Variants in EPHA6 observed in about 807,000 individuals in gnomAD.
The protein encoded by EPHA6 is ephrin type-A receptor 6.
EPHA6 carries 50 observed loss-of-function variants against 112.0 expected under a neutral mutation model. The ratio of observed to expected loss-of-function variants is 0.45; its 90% CI spans 0.36 to 0.56. EPHA6 has a LOEUF of 0.56. Among genes scored for constraint, EPHA6 ranks in the 20% least tolerant of loss-of-function variants. EPHA6 has a pLI of 0.00. For synonymous variants in EPHA6, 529 were observed against 490.7 expected, an observed-to-expected ratio of 1.08 and a Z score of -1.03; for missense variants, 1,280 against 1,417.4, an observed-to-expected ratio of 0.90 and a Z score of 1.56.
At chr3:96,974,934 T>G (rs565568178) in intron 2 of EPHA6, among the ~76,000 whole-genome samples, 1 of 152,034 alleles carries the variant, frequency 6.6e-6, no homozygotes, top group Non-Finnish European at 1.5e-5. Context: ...ATTATACTCA[T>G]AAGTCCCAGA....
At chr3:97,614,962 G>A (rs549827259) in intron 13 of EPHA6, among the ~76,000 whole-genome samples, 1 of 152,282 alleles carries the variant, frequency 6.6e-6, no homozygotes, top group East Asian at 1.9e-4. Context: ...TGTTCAGTGG[G>A]TGGGGACCAA....
chr3:97,494,987 C>T (rs2091939798), intron 10 of EPHA6, among the ~76,000 whole-genome samples: 1 of 152,108 alleles, frequency 6.6e-6, no homozygotes, highest in Non-Finnish European at 1.5e-5. Flanking sequence ...CAGAATTGAA[C>T]CCAATACTCC....
intron 3 of EPHA6, among the ~76,000 whole-genome samples, chr3:97,181,014 C>G (rs1161398508): frequency 6.6e-6 from 1 of 152,064 alleles, no homozygotes; most frequent in African/African-American, 2.4e-5. Context: ...ATGTAGCCCT[C>G]TGTGATGAGG....
chr3:97,594,508 C>T (rs568735366), intron 12 of EPHA6, among the ~76,000 whole-genome samples: 1 of 152,274 alleles, frequency 6.6e-6, no homozygotes, highest in East Asian at 1.9e-4. Flanking sequence ...CTGAAATTAA[C>T]TCAACACACT....
At chr3:97,735,087 T>G (rs1172541025) in intron 15 of EPHA6, among the ~76,000 whole-genome samples, 1 of 152,018 alleles carries the variant, frequency 6.6e-6, no homozygotes, top group East Asian at 1.9e-4. Context: ...ATTAGACACA[T>G]GTGGCTATAT....
intron 14 of EPHA6, among the ~76,000 whole-genome samples, chr3:97,711,714 A>G (rs1292986954): frequency 6.6e-6 from 1 of 152,118 alleles, no homozygotes; most frequent in Non-Finnish European, 1.5e-5. Context: ...AGTAGATTGG[A>G]TGATACCTGT....
At chr3:97,168,889 A>G (rs1291494567) in intron 3 of EPHA6, among the ~76,000 whole-genome samples, 2 of 152,146 alleles carry the variant, frequency 1.3e-5, no homozygotes, top group Admixed American at 6.6e-5. Flanking sequence ...GGAAGTAAGT[A>G]ATGGGCAGGG....
chr3:97,544,303 G>T (rs576880616), intron 11 of EPHA6, among the ~76,000 whole-genome samples: 2 of 151,846 alleles, frequency 1.3e-5, no homozygotes, highest in East Asian at 3.9e-4. Flanking sequence ...TAGCATGAAG[G>T]GTTGTTGAAT....
At chr3:97,296,105 T>C (rs1265391227) in intron 5 of EPHA6, among the ~76,000 whole-genome samples, 1 of 152,124 alleles carries the variant, frequency 6.6e-6, no homozygotes, top group Non-Finnish European at 1.5e-5. Context: ...GTGGTGGCAG[T>C]AGCAGAGACA....
intron 3 of EPHA6, among the ~76,000 whole-genome samples, chr3:97,175,646 G>T (rs894058261): frequency 6.6e-6 from 1 of 151,176 alleles, no homozygotes; most frequent in African/African-American, 2.4e-5. Context: ...TTTTTGTGTG[G>T]CTATTGTAAA....
chr3:97,288,883 A>T (rs2080574126), intron 5 of EPHA6, among the ~76,000 whole-genome samples: 2 of 145,854 alleles, frequency 1.4e-5, no homozygotes, highest in Non-Finnish European at 1.5e-5. Flanking sequence ...TCTTCTTTTG[A>T]GAAGTGTCTG....
At chr3:97,067,369 C>T (rs2046209338) in intron 3 of EPHA6, among the ~76,000 whole-genome samples, 1 of 151,908 alleles carries the variant, frequency 6.6e-6, no homozygotes, top group Non-Finnish European at 1.5e-5. Context: ...GAGAGGGAAA[C>T]TAGTATTTTC....
chr3:97,462,055 G>A (rs1014445085), intron 7 of EPHA6, among the ~76,000 whole-genome samples: 2 of 152,186 alleles, frequency 1.3e-5, no homozygotes, highest in Admixed American at 6.5e-5. Flanking sequence ...ACATAGGACA[G>A]TGGTTAGAAG....
chr3:97,495,101 C>T (rs75680737), intron 10 of EPHA6, among the ~76,000 whole-genome samples: 3,656 of 152,182 alleles, frequency 0.024, 137 homozygotes, highest in African/African-American at 0.08. Context: ...AGCTGCCACG[C>T]GCTGTTGGCA....
intron 1 of EPHA6, among the ~76,000 whole-genome samples, chr3:96,833,762 A>G (rs1026402363): frequency 9.2e-5 from 14 of 152,124 alleles, no homozygotes; most frequent in Middle Eastern, 3.4e-3. Context: ...AACTAACTGC[A>G]TTTATCATTT....
chr3:97,386,317 G>C (rs1249960754), intron 5 of EPHA6, among the ~76,000 whole-genome samples: 1 of 152,050 alleles, frequency 6.6e-6, no homozygotes, highest in Non-Finnish European at 1.5e-5. Flanking sequence ...TGTGAGAATG[G>C]ACTAATACAG....
chr3:97,269,911 G>A (rs1425522079), intron 5 of EPHA6, among the ~76,000 whole-genome samples: 1 of 152,120 alleles, frequency 6.6e-6, no homozygotes, highest in East Asian at 1.9e-4. Flanking sequence ...ACTAAACTGT[G>A]GGTGTTAATT....
intron 2 of EPHA6, among the ~76,000 whole-genome samples, chr3:96,952,763 A>G (rs2041600311): frequency 6.6e-6 from 1 of 151,990 alleles, no homozygotes; most frequent in Non-Finnish European, 1.5e-5. Flanking sequence ...TTTGACGGGA[A>G]ATCAAATACT....
intron 5 of EPHA6, among the ~76,000 whole-genome samples, chr3:97,399,722 G>T (rs1305146897): frequency 6.6e-6 from 1 of 151,456 alleles, no homozygotes; most frequent in Non-Finnish European, 1.5e-5. Flanking sequence ...TTAGTTATTT[G>T]TATGTCTTCT....
Sources: allele counts gnomAD v4.1 joint callset (sites outside exome capture counted in the v4.1 genomes callset), GRCh38; gene constraint gnomAD v4.1.1; transcripts MANE v1.5; gene names NCBI Gene and HGNC (gene_info 2026-07-23, HGNC 2026-07-21).